Variants in UBE2G1 observed in about 807,000 individuals in gnomAD.
The protein encoded by UBE2G1 is ubiquitin conjugating enzyme E2 G1.
A neutral mutation model predicts 22.7 loss-of-function variants in UBE2G1; 5 were observed. The observed-to-expected ratio is 0.22, with a 90% CI of 0.12 to 0.46. The LOEUF (loss-of-function observed/expected upper bound fraction) is 0.46, where lower values mean the gene tolerates loss of function less well. Ranked by LOEUF, UBE2G1 falls within the 20% of genes least tolerant of loss-of-function variation. The probability of loss-of-function intolerance (pLI) is 0.99; values close to 1 mark genes in which losing one functional copy is unlikely to be tolerated. For missense variants in UBE2G1, 88 were observed against 203.9 expected (o/e 0.43, Z 3.46); for synonymous variants, 74 against 67.5 (o/e 1.10, Z -0.47).
At chr17:4,284,525 C>G (rs185441049) in intron 4 of UBE2G1, among the ~76,000 whole-genome samples, 2 of 151,064 alleles carry the variant, frequency 1.3e-5, no homozygotes, top group African/African-American at 4.9e-5. Context: ...CACTTGAACT[C>G]GGGAGGCAAA....
chr17:4,296,647 A>T, intron 3 of UBE2G1, 70 bp downstream of exon 3: 1 of 1,414,458 alleles, frequency 7.1e-7, no homozygotes, highest in South Asian at 1.1e-5. Context: ...GATCTTTCTT[A>T]TTGACCTTGA....
At chr17:4,316,883 T>C (rs1314540569) in intron 1 of UBE2G1, among the ~76,000 whole-genome samples, 9 of 142,830 alleles carry the variant, frequency 6.3e-5, no homozygotes, top group African/African-American at 2.4e-4. Flanking sequence ...GAGGCTGCAG[T>C]AACCTAAGAA....
At position 4,363,950 on chromosome 17, in the gene UBE2G1, CAAAAAAAAAAA is replaced by C. The variant is rs1195720643; in HGVS notation, c.46+2310_46+2320del. On this transcript the variant is annotated intron_variant, in intron 1 of 5. Coordinates refer to ENST00000396981, the MANE Select transcript of UBE2G1 (RefSeq NM_003342.5). ...TGGGCAACAGAGTAAGACTCCGTCT[CAAAAAAAAAAA>C]AAAAAAAAAAAAAAAAGATGCAGAC... Among the ~76,000 whole-genome samples, 317 of 43,902 alleles carry C rather than the reference CAAAAAAAAAAA, an allele frequency of 7.2e-3. 8 individuals are homozygous for C. The highest frequency in any genetic ancestry group is 0.068 in the Admixed American group (228 of 3,342). The allele number at this position is 43,902 out of a possible 152,430, so 28.8% of individuals were successfully genotyped here.
chr17:4,278,387 T>C (rs1386530345), intron 5 of UBE2G1, among the ~76,000 whole-genome samples: 1 of 152,170 alleles, frequency 6.6e-6, no homozygotes, highest in Non-Finnish European at 1.5e-5. Flanking sequence ...ACAAATTGTC[T>C]TGGGCCACAC....
Position 4,366,359 on chromosome 17 carries a change from G to A in UBE2G1, c.-43C>T. ...CGGGCTGGCGCCGGGGCTTCCGAAG[G>A]GCTGGGGACAGGCTCTGGGGGCGGC... On this transcript the variant is annotated 5_prime_UTR_variant, in exon 1 of 6. Transcript: ENST00000396981. 6.7e-7 allele frequency: 1 copy of A among 1,499,102 alleles called. No homozygotes were observed. The highest frequency in any genetic ancestry group is 8.8e-7 in the Non-Finnish European group (1 of 1,133,436). 92.9% of individuals were successfully genotyped at this position (1,499,102 alleles called of 1,614,324 possible). A position where few individuals can be genotyped will look rare whatever the true frequency, so the allele number is the denominator to read the frequency against.
chr17:4,294,166 A>G (rs1969076930), intron 3 of UBE2G1, among the ~76,000 whole-genome samples: 1 of 152,236 alleles, frequency 6.6e-6, no homozygotes, highest in Non-Finnish European at 1.5e-5. Flanking sequence ...CTATAATCCC[A>G]GCACTTTGGG....
chr17:4,289,502 C>T, intron 3 of UBE2G1, 94 bp from the exon 4 acceptor site: 2 of 1,315,478 alleles, frequency 1.5e-6, no homozygotes, highest in Non-Finnish European at 2.0e-6. Flanking sequence ...CACACAGTAC[C>T]TTTATCAAAC....
intron 2 of UBE2G1, chr17:4,302,789 G>GA: frequency 5.6e-6 from 1 of 178,058 alleles, no homozygotes; most frequent in Non-Finnish European, 1.2e-5. Flanking sequence ...TTAGTCATGA[G>GA]AAAAAAAATA....
chr17:4,355,764 G>C (rs1421155446), intron 1 of UBE2G1, among the ~76,000 whole-genome samples: 1 of 141,866 alleles, frequency 7.0e-6, no homozygotes, highest in Non-Finnish European at 1.5e-5. Flanking sequence ...GCAGTGGCAT[G>C]ATCTCAGCTC....
At chr17:4,328,558 T>A (rs1336529042) in intron 1 of UBE2G1, among the ~76,000 whole-genome samples, 1 of 152,222 alleles carries the variant, frequency 6.6e-6, no homozygotes, top group African/African-American at 2.4e-5. Flanking sequence ...GAGGATGCTG[T>A]CATGCTTGCT....
chr17:4,329,165 G>T (rs1018586537), intron 1 of UBE2G1, among the ~76,000 whole-genome samples: 5 of 147,744 alleles, frequency 3.4e-5, no homozygotes, highest in African/African-American at 1.3e-4. Context: ...TTGGAAGGCC[G>T]AGGCAGGCGG....
intron 5 of UBE2G1, among the ~76,000 whole-genome samples, chr17:4,280,598 A>G (rs1968876501): frequency 6.6e-6 from 1 of 150,546 alleles, no homozygotes. Flanking sequence ...CAACCTCCCA[A>G]AATGCTGGGT....
chr17:4,327,389 T>C lies in UBE2G1; in HGVS notation c.47-20266A>G, dbSNP rs1225371419. ...TGGGAGGCCGAGGCAGGAGATTCGCTTGGAACCGGGAAGCAGAGGTTGTAC... is the reference window on the plus strand; with the variant it reads ...TGGGAGGCCGAGGCAGGAGATTCGCCTGGAACCGGGAAGCAGAGGTTGTAC... On this transcript the variant is annotated intron_variant, in intron 1 of 5. Transcript: ENST00000396981. Among the ~76,000 whole-genome samples the C allele has an allele frequency of 2.6e-5, 4 of 152,150 alleles. No homozygotes were observed. The East Asian group carries it at 5.8e-4, about 22-fold the overall frequency.
intron 2 of UBE2G1, chr17:4,301,850 A>T: frequency 2.0e-6 from 1 of 510,982 alleles, no homozygotes; most frequent in Non-Finnish European, 3.8e-6. Flanking sequence ...AAGTACGGTA[A>T]ACATGAACTT....
intron 2 of UBE2G1, among the ~76,000 whole-genome samples, chr17:4,298,140 C>G (rs1033935747): frequency 6.6e-6 from 1 of 152,086 alleles, no homozygotes; most frequent in Non-Finnish European, 1.5e-5. Context: ...GCAGGTATTT[C>G]TAAAACAAGC....
intron 2 of UBE2G1, among the ~76,000 whole-genome samples, chr17:4,297,973 T>C (rs984483748): frequency 6.6e-6 from 1 of 152,224 alleles, no homozygotes; most frequent in African/African-American, 2.4e-5. Flanking sequence ...ACTCTAACCA[T>C]TGGTCTACGT....
intron 1 of UBE2G1, chr17:4,335,455 A>G (rs374890254): frequency 3.0e-4 from 45 of 152,304 alleles, no homozygotes; most frequent in Middle Eastern, 3.4e-3. Flanking sequence ...TTCTGTAACC[A>G]GCCAAAACAT....
At chr17:4,320,881 A>G (rs1358738284) in intron 1 of UBE2G1, among the ~76,000 whole-genome samples, 1 of 152,162 alleles carries the variant, frequency 6.6e-6, no homozygotes, top group East Asian at 1.9e-4. Context: ...TTCCCCCTCA[A>G]ATATAAATAA....
intron 1 of UBE2G1, among the ~76,000 whole-genome samples, chr17:4,316,771 G>A (rs1195315785): frequency 1.3e-5 from 2 of 151,772 alleles, no homozygotes; most frequent in Non-Finnish European, 2.9e-5. Context: ...GATCGCTTAA[G>A]GGCAGGAGTT....
Sources: allele counts gnomAD v4.1 joint callset (sites outside exome capture counted in the v4.1 genomes callset), GRCh38; gene constraint gnomAD v4.1.1; transcripts MANE v1.5; gene names NCBI Gene and HGNC (gene_info 2026-07-23, HGNC 2026-07-21).